PRKCB: variants seen among roughly 807,000 people sequenced by gnomAD.
The protein encoded by PRKCB is protein kinase C beta type.
PRKCB carries 13 observed loss-of-function variants against 81.5 expected under a neutral mutation model. The ratio of observed to expected loss-of-function variants is 0.16; its 90% CI spans 0.10 to 0.25. The LOEUF is 0.25. Among genes scored for constraint, PRKCB ranks in the 10% least tolerant of loss-of-function variants. PRKCB has a pLI of 1.00. For missense variants in PRKCB, 509 were observed against 875.7 expected (o/e 0.58, Z 5.29); for synonymous variants, 335 against 321.4 (o/e 1.04, Z -0.45).
At chr16:23,840,983 C>T (rs187591925) in intron 2 of PRKCB, among the ~76,000 whole-genome samples, 2 of 152,184 alleles carry the variant, frequency 1.3e-5, no homozygotes, top group East Asian at 1.9e-4. Context: ...GCTGAAGATC[C>T]CTATTGTAAA....
chr16:23,982,618 G>T (rs535430264), intron 2 of PRKCB, among the ~76,000 whole-genome samples: 2 of 151,716 alleles, frequency 1.3e-5, no homozygotes, highest in Non-Finnish European at 2.9e-5. Flanking sequence ...TTTTAGAGAT[G>T]GAGTCTTGCC....
chr16:24,190,974 A>T, intron 15 of PRKCB, 116 bp from the exon 16 acceptor site: 1 of 1,296,792 alleles, frequency 7.7e-7, no homozygotes, highest in Middle Eastern at 2.0e-4. Context: ...AACAAAAATG[A>T]GTTGAGATTC....
chr16:24,109,391 G>A (rs1374236372), intron 7 of PRKCB, among the ~76,000 whole-genome samples: 1 of 125,970 alleles, frequency 7.9e-6, no homozygotes. Flanking sequence ...CTTCTCAGAC[G>A]GGGCGGCCGG....
At chr16:24,165,546 C>T (rs1967329306) in intron 10 of PRKCB, among the ~76,000 whole-genome samples, 1 of 152,160 alleles carries the variant, frequency 6.6e-6, no homozygotes, top group South Asian at 2.1e-4. Flanking sequence ...TTGCCTCTGA[C>T]AATATTTTCC....
At chr16:23,857,815 C>T (rs540195998) in intron 2 of PRKCB, among the ~76,000 whole-genome samples, 2 of 152,098 alleles carry the variant, frequency 1.3e-5, no homozygotes, top group African/African-American at 4.8e-5. Context: ...TTTCCATTTC[C>T]TGGATGTCTT....
At chr16:24,213,284 C>T (rs1968174790) in intron 16 of PRKCB, among the ~76,000 whole-genome samples, 1 of 152,108 alleles carries the variant, frequency 6.6e-6, no homozygotes, top group African/African-American at 2.4e-5. Flanking sequence ...CCACCCGCCT[C>T]CTCCTCCCAA....
At chr16:24,106,737 A>T (rs1235223007) in intron 7 of PRKCB, among the ~76,000 whole-genome samples, 1 of 152,192 alleles carries the variant, frequency 6.6e-6, no homozygotes, top group Non-Finnish European at 1.5e-5. Flanking sequence ...AATTTCAAAG[A>T]TATGATACAA....
At chr16:23,965,753 A>G (rs1964479807) in intron 2 of PRKCB, among the ~76,000 whole-genome samples, 1 of 152,124 alleles carries the variant, frequency 6.6e-6, no homozygotes, top group African/African-American at 2.4e-5. Flanking sequence ...GGAGCTGCCA[A>G]AGTGCAGCGC....
chr16:23,925,962 C>A (rs1276244950), intron 2 of PRKCB, among the ~76,000 whole-genome samples: 3 of 151,210 alleles, frequency 2.0e-5, no homozygotes, highest in Admixed American at 6.6e-5. Flanking sequence ...GCTTTGGGTT[C>A]CATCCTGTTG....
At chr16:24,186,462 C>T (rs1967705749) in intron 15 of PRKCB, among the ~76,000 whole-genome samples, 1 of 152,100 alleles carries the variant, frequency 6.6e-6, no homozygotes, top group African/African-American at 2.4e-5. Context: ...AATTAGACGC[C>T]CAGAAAATAT....
At chr16:23,861,833 A>G (rs1485366424) in intron 2 of PRKCB, among the ~76,000 whole-genome samples, 3 of 152,236 alleles carry the variant, frequency 2.0e-5, no homozygotes, top group Non-Finnish European at 1.5e-5. Context: ...TGTCTCCTTC[A>G]CAATATCCTT....
intron 7 of PRKCB, chr16:24,110,941 A>T (rs1966669076): frequency 6.6e-6 from 1 of 152,238 alleles, no homozygotes; most frequent in Non-Finnish European, 1.5e-5. Flanking sequence ...TAAATTTATT[A>T]TTAAAAAAGT....
intron 5 of PRKCB, among the ~76,000 whole-genome samples, chr16:24,053,377 T>A (rs1348486327): frequency 6.6e-6 from 1 of 152,216 alleles, no homozygotes; most frequent in African/African-American, 2.4e-5. Flanking sequence ...ACTCTGCCAT[T>A]GTAACACGGA....
intron 7 of PRKCB, chr16:24,110,996 C>G (rs922858847): frequency 6.6e-6 from 1 of 152,172 alleles, no homozygotes; most frequent in African/African-American, 2.4e-5. Context: ...GCAAAATCCA[C>G]AAAGGTAGCA....
chr16:24,213,010 T>TTATC (rs1968169867), intron 16 of PRKCB, among the ~76,000 whole-genome samples: 1 of 105,898 alleles, frequency 9.4e-6, no homozygotes, highest in Admixed American at 1.0e-4. Flanking sequence ...ACTTGTATAT[T>TTATC]TATTTATTTA....
intron 3 of PRKCB, among the ~76,000 whole-genome samples, chr16:23,998,966 G>C (rs116374601): frequency 1.7e-3 from 253 of 152,316 alleles, no homozygotes; most frequent in African/African-American, 5.9e-3. Context: ...CAGCCAGCAT[G>C]CATAGGATTT....
At chr16:24,089,445 G>A (rs948186530) in intron 5 of PRKCB, among the ~76,000 whole-genome samples, 1 of 152,164 alleles carries the variant, frequency 6.6e-6, no homozygotes, top group African/African-American at 2.4e-5. Context: ...ATGTCAGTAC[G>A]TGTGGAAATG....
chr16:24,220,255 T>C lies in PRKCB; in HGVS notation c.*5439T>C. ...TTGTCTTAGAGGGCTTTTCTTTGTA[T>C]GTGTAGCTTGCTAGTTTGTTTTCTA... On this transcript the variant is annotated 3_prime_UTR_variant, in exon 17 of 17. Transcript: ENST00000643927. 3.1e-6 allele frequency: 3 copies of C among 973,958 alleles called. No individual in the cohort carries two copies. Among genetic ancestry groups the C allele is most frequent in the Non-Finnish European group, 4.5e-6 (3 of 670,966 alleles). The allele number at this position is 973,958 out of a possible 1,614,324, so 60.3% of individuals were successfully genotyped here.
chr16:23,858,934 G>T (rs970049705), intron 2 of PRKCB, among the ~76,000 whole-genome samples: 3 of 152,048 alleles, frequency 2.0e-5, no homozygotes, highest in African/African-American at 7.2e-5. Context: ...ATAGCTTCCA[G>T]CCTGGGAAAC....
Sources: gnomAD v4.1 joint callset for allele counts (sites outside exome capture counted in the v4.1 genomes callset) on GRCh38, gnomAD v4.1.1 for gene constraint, MANE v1.5 for transcripts, NCBI Gene and HGNC (gene_info 2026-07-23, HGNC 2026-07-21) for gene names.